LIMCH1: variants seen among roughly 807,000 people sequenced by gnomAD.
LIMCH1 encodes LIM and calponin homology domains-containing protein 1.
Under a neutral mutation model 176.5 loss-of-function variants are expected in LIMCH1, and 113 were observed. The observed-to-expected ratio is 0.64, with a 90% CI of 0.55 to 0.75. The LOEUF is 0.75. LIMCH1 is among the 30% of genes least tolerant of loss of function. The probability of loss-of-function intolerance (pLI) is 0.00; values close to 1 mark genes in which losing one functional copy is unlikely to be tolerated. For synonymous variants in LIMCH1, 619 were observed against 645.9 expected, an observed-to-expected ratio of 0.96 and a Z score of 0.63; for missense variants, 1,674 against 1,814.9, an observed-to-expected ratio of 0.92 and a Z score of 1.41.
Position 41,613,802 on chromosome 4 carries a change from G to GA in LIMCH1, c.205+147dup, listed in dbSNP as rs1271509005. 21 of 712,660 alleles carry GA rather than the reference G, an allele frequency of 2.9e-5. No individual in the cohort carries two copies. In the African/African-American group the frequency reaches 3.0e-4, roughly 10 times the overall value. The allele number at this position is 712,660 out of a possible 1,614,324, so 44.1% of individuals were successfully genotyped here. A position where few individuals can be genotyped will look rare whatever the true frequency, so the allele number is the denominator to read the frequency against. On this transcript the variant is annotated intron_variant, in intron 5 of 31. Transcript: ENST00000503057. Reference sequence around the variant, plus strand: ...AACTTAGTAATTCTATAAACTGGCAGAAAAAAGAAGTCTTTGAATGTTGTT... The same window carrying GA: ...AACTTAGTAATTCTATAAACTGGCAGAAAAAAAGAAGTCTTTGAATGTTGTT...
At chr4:41,621,740 C>T (rs2092597521) in intron 7 of LIMCH1, among the ~76,000 whole-genome samples, 1 of 151,020 alleles carries the variant, frequency 6.6e-6, no homozygotes, top group East Asian at 1.9e-4. Flanking sequence ...CTGATATACC[C>T]ATCTTCCAGA....
intron 1 of LIMCH1, among the ~76,000 whole-genome samples, chr4:41,463,466 C>T (rs932813182): frequency 1.1e-4 from 16 of 152,046 alleles, no homozygotes; most frequent in African/African-American, 3.9e-4. Flanking sequence ...AAAGCTATGA[C>T]TCCTAGTCAA....
chr4:41,441,474 A>G (rs1292119176), intron 1 of LIMCH1, among the ~76,000 whole-genome samples: 2 of 151,884 alleles, frequency 1.3e-5, no homozygotes, highest in African/African-American at 4.8e-5. Context: ...TAAAGACACC[A>G]TTGTGCCTTG....
chr4:41,470,615 C>T (rs1213644801), intron 1 of LIMCH1, among the ~76,000 whole-genome samples: 2 of 152,194 alleles, frequency 1.3e-5, no homozygotes, highest in Non-Finnish European at 2.9e-5. Flanking sequence ...TCAAGGTTAC[C>T]TGTGTCTTCT....
intron 13 of LIMCH1, among the ~76,000 whole-genome samples, chr4:41,636,924 G>T (rs1304338850): frequency 6.6e-6 from 1 of 152,198 alleles, no homozygotes; most frequent in East Asian, 1.9e-4. Context: ...TGAAGTATAT[G>T]TGTGGTATGT....
intron 15 of LIMCH1, among the ~76,000 whole-genome samples, chr4:41,645,220 C>T (rs573075953): frequency 2.6e-5 from 4 of 152,202 alleles, no homozygotes; most frequent in African/African-American, 7.2e-5. Context: ...AGAGCCAAAG[C>T]GGGGAGAGAG....
Position 41,546,140 on chromosome 4 carries a change from G to GT in LIMCH1, c.-241+7798dup, listed in dbSNP as rs200786720. The stretch of plus-strand genomic sequence containing the variant: ...AGTAGAAAGAAGCCTTCATTGGTCT[G>GT]TTTTTTTTGTTTTTTTGAGATGGAG... On this transcript the variant is annotated intron_variant, in intron 1 of 31. Transcript: ENST00000503057. Among the ~76,000 whole-genome samples the GT allele has an allele frequency of 1.6e-3, 250 of 151,666 alleles. 3 individuals carry two copies. The East Asian group carries it at 0.017, about 11-fold the overall frequency.
At chr4:41,567,582 A>G (rs2082941914) in intron 1 of LIMCH1, among the ~76,000 whole-genome samples, 1 of 152,170 alleles carries the variant, frequency 6.6e-6, no homozygotes, top group Non-Finnish European at 1.5e-5. Context: ...CTATACTTGA[A>G]TTATCTCCTT....
At chr4:41,407,421 G>A (rs369679990) in intron 1 of LIMCH1, among the ~76,000 whole-genome samples, 16 of 152,128 alleles carry the variant, frequency 1.1e-4, no homozygotes, top group Admixed American at 1.0e-3. Flanking sequence ...GTAGAGAGGA[G>A]GTCTCACTAT....
intron 23 of LIMCH1, among the ~76,000 whole-genome samples, chr4:41,678,371 T>A (rs1443197999): frequency 6.6e-6 from 1 of 152,126 alleles, no homozygotes; most frequent in Admixed American, 6.6e-5. Flanking sequence ...TGCAGAAGGT[T>A]AAGCCTTCAA....
At chr4:41,532,496 A>C (rs961563019) in intron 3 of LIMCH1, among the ~76,000 whole-genome samples, 1 of 152,168 alleles carries the variant, frequency 6.6e-6, no homozygotes, top group South Asian at 2.1e-4. Context: ...TGTACATCAC[A>C]CTCGGAAACC....
At chr4:41,568,218 T>C (rs1039814952) in intron 1 of LIMCH1, among the ~76,000 whole-genome samples, 3 of 152,216 alleles carry the variant, frequency 2.0e-5, no homozygotes, top group African/African-American at 7.2e-5. Context: ...GAGGAATAAA[T>C]GGTCAATAGG....
intron 1 of LIMCH1, among the ~76,000 whole-genome samples, chr4:41,421,067 C>T (rs1281970207): frequency 6.6e-6 from 1 of 152,182 alleles, no homozygotes; most frequent in Non-Finnish European, 1.5e-5. Context: ...CCCCAAGAAT[C>T]GTATCCCCAA....
chr4:41,527,521 C>T (rs2076778122), intron 3 of LIMCH1, among the ~76,000 whole-genome samples: 1 of 152,196 alleles, frequency 6.6e-6, no homozygotes, highest in South Asian at 2.1e-4. Flanking sequence ...TCACCACTGT[C>T]AGCGTCATTA....
chr4:41,583,842 T>C (rs1468459957), intron 1 of LIMCH1, among the ~76,000 whole-genome samples: 3 of 152,100 alleles, frequency 2.0e-5, no homozygotes, highest in African/African-American at 4.8e-5. Flanking sequence ...TTCATACACA[T>C]TTTAATATCA....
chr4:41,668,314 TCTTAA>T (rs2153000487), intron 21 of LIMCH1, among the ~76,000 whole-genome samples: 1 of 152,348 alleles, frequency 6.6e-6, no homozygotes, highest in South Asian at 2.1e-4. Flanking sequence ...AAAGCATTTG[TCTTAA>T]ATTTGTCCGT....
Position 41,666,576 on chromosome 4 carries a change from T to C in LIMCH1, c.3307T>C (p.Ser1103Pro). The C allele has an allele frequency of 6.2e-7, 1 of 1,613,852 alleles. No homozygotes were observed. Among genetic ancestry groups the C allele is most frequent in the Non-Finnish European group, 8.5e-7 (1 of 1,179,784 alleles). Reference sequence around the variant, plus strand: ...CATTGTCCAGGTGGTAAAGCCAAAATCTCCAGAACCCGAAGCAACGCTGAC... The same window carrying C: ...CATTGTCCAGGTGGTAAAGCCAAAACCTCCAGAACCCGAAGCAACGCTGAC... ...VLSQKVVKPK[S>P]PEPEATLTFP... The change falls in exon 21 of 32, where the codon TCT becomes CCT. Residue 1103 changes from serine to proline, a missense_variant. Transcript: ENST00000503057.
At chr4:41,360,026 G>GGTGTGTGTGTGTGT (rs35179191), upstream of LIMCH1, among the ~76,000 whole-genome samples, 751 of 145,866 alleles carry the variant, frequency 5.1e-3, 4 homozygotes, top group African/African-American at 9.6e-3. The surrounding 1 kb of genome is among the most constrained non-coding windows in gnomAD (Gnocchi z 4.5). Flanking sequence ...GGGTGTGTAG[G>GGTGTGTGTGTGTGT]GTGTGTGTGT....
At chr4:41,518,339 C>A (rs1349134974) in intron 2 of LIMCH1, among the ~76,000 whole-genome samples, 1 of 152,156 alleles carries the variant, frequency 6.6e-6, no homozygotes, top group Non-Finnish European at 1.5e-5. Flanking sequence ...AAGAGTCTGT[C>A]TGAAACAGAA....
Sources: allele counts gnomAD v4.1 joint callset (sites outside exome capture counted in the v4.1 genomes callset), GRCh38; gene constraint gnomAD v4.1.1; non-coding constraint Gnocchi (gnomAD v3.1); transcripts MANE v1.5; gene names NCBI Gene and HGNC (gene_info 2026-07-23, HGNC 2026-07-21).